The following CDC14B variants were observed in gnomAD, a reference collection of about 807,000 sequenced individuals.
The protein encoded by CDC14B is dual specificity protein phosphatase CDC14B.
A neutral mutation model predicts 64.2 loss-of-function variants in CDC14B; 22 were observed. That is an observed-to-expected ratio of 0.34 (90% CI 0.24 to 0.49). The LOEUF is 0.49. Among genes scored for constraint, CDC14B ranks in the 20% least tolerant of loss-of-function variants. The probability of loss-of-function intolerance (pLI) is 0.99; values close to 1 mark genes in which losing one functional copy is unlikely to be tolerated. For synonymous variants in CDC14B, 191 were observed against 215.8 expected, an observed-to-expected ratio of 0.89 and a Z score of 1.01; for missense variants, 498 against 629.9, an observed-to-expected ratio of 0.79 and a Z score of 2.24.
At chr9:96,613,587 A>C (rs1344382488) in intron 1 of CDC14B, among the ~76,000 whole-genome samples, 1 of 152,228 alleles carries the variant, frequency 6.6e-6, no homozygotes, top group Non-Finnish European at 1.5e-5. Context: ...GAATATCAGA[A>C]GTGAAGATGT....
At chr9:96,575,234 T>C (rs995110289) in intron 1 of CDC14B, among the ~76,000 whole-genome samples, 3 of 152,188 alleles carry the variant, frequency 2.0e-5, no homozygotes, top group Non-Finnish European at 4.4e-5. Flanking sequence ...GGTTGTCCGA[T>C]GTGCCAGTGG....
chr9:96,551,935 G>A (rs1841896179), intron 4 of CDC14B, 63 bp from the exon 5 acceptor site: 1 of 1,546,308 alleles, frequency 6.5e-7, no homozygotes. Context: ...TGCTGTCACT[G>A]CGAAGTAAAT....
rs1321931521 is a variant in CDC14B, at chr9:96,501,580, C to T, written c.*2173G>A. The T allele has an allele frequency of 2.0e-5, 3 of 152,516 alleles. No individual in the cohort carries two copies. The highest frequency in any genetic ancestry group is 4.4e-5 in the Non-Finnish European group (3 of 68,036). The allele number at this position is 152,516 out of a possible 1,614,324, so 9.4% of individuals were successfully genotyped here. ...CCTTGCTATGCACACCATCCCAAGT[C>T]ATTTGGTTATTACAAGGAATGCCTC... On this transcript the variant is annotated 3_prime_UTR_variant, in exon 14 of 14. Transcript: ENST00000375241.
At chr9:96,571,181 T>A (rs1440586567) in intron 1 of CDC14B, among the ~76,000 whole-genome samples, 1 of 149,340 alleles carries the variant, frequency 6.7e-6, no homozygotes, top group African/African-American at 2.4e-5. Flanking sequence ...AAAAAAAAAT[T>A]TTTTTTTTTT....
chr9:96,499,264 T>A (rs939599147), downstream of CDC14B, among the ~76,000 whole-genome samples: 1 of 152,138 alleles, frequency 6.6e-6, no homozygotes, highest in Non-Finnish European at 1.5e-5. Flanking sequence ...TGTAACCCAG[T>A]GTGAATCCAA....
At chr9:96,517,074 T>C (rs1169002441) in intron 12 of CDC14B, among the ~76,000 whole-genome samples, 1 of 151,194 alleles carries the variant, frequency 6.6e-6, no homozygotes, top group Non-Finnish European at 1.5e-5. Context: ...GCGCAGTGGC[T>C]CATGCCTGTA....
In CDC14B at chr9:96,581,180, C is replaced by T. The variant is rs532063961; in HGVS notation, c.161-15697G>A. Among the ~76,000 whole-genome samples the T allele has an allele frequency of 7.2e-5, 11 of 151,952 alleles. No homozygotes were observed. In the East Asian group the frequency reaches 1.9e-3, roughly 27 times the overall value. ...AGGAGGTGGAGGTTGAGGTGAGCTG[C>T]GATTGCACCACTGCACTCCAGCCTG... On this transcript the variant is annotated intron_variant, in intron 1 of 13. Coordinates refer to ENST00000375241, the MANE Select transcript of CDC14B (RefSeq NM_033331.4).
chr9:96,530,856 T>C (rs57494643), intron 9 of CDC14B, among the ~76,000 whole-genome samples: 23,255 of 152,150 alleles, frequency 0.15, 5,929 homozygotes, highest in African/African-American at 0.53. Context: ...TAGTTTGTAC[T>C]GTGTTTTTAT....
intron 13 of CDC14B, among the ~76,000 whole-genome samples, chr9:96,506,044 G>A (rs756453739): frequency 6.6e-6 from 1 of 152,236 alleles, no homozygotes; most frequent in Non-Finnish European, 1.5e-5. Context: ...GCGAGTTTGG[G>A]TGGAGTCTTC....
intron 1 of CDC14B, among the ~76,000 whole-genome samples, chr9:96,580,657 A>C (rs1251327005): frequency 6.6e-6 from 1 of 152,198 alleles, no homozygotes; most frequent in African/African-American, 2.4e-5. Flanking sequence ...AATCGACCCG[A>C]GAGAAATACT....
chr9:96,565,362 A>G (rs1478355967), intron 2 of CDC14B, 31 bp downstream of exon 2: 2 of 1,382,066 alleles, frequency 1.4e-6, no homozygotes, highest in African/African-American at 1.4e-5. Context: ...CAAAAACAAA[A>G]AGTTAAAATC....
intron 9 of CDC14B, among the ~76,000 whole-genome samples, chr9:96,527,744 T>C (rs1837805588): frequency 1.3e-5 from 2 of 151,926 alleles, no homozygotes; most frequent in Admixed American, 6.6e-5. Flanking sequence ...GACTCCCGAG[T>C]AACTGGGACT....
chr9:96,604,484 G>A (rs1049594487), intron 1 of CDC14B, among the ~76,000 whole-genome samples: 10 of 151,454 alleles, frequency 6.6e-5, no homozygotes, highest in Admixed American at 4.6e-4. Context: ...GGGATCAAGC[G>A]ATTCTCCTGC....
intron 1 of CDC14B, among the ~76,000 whole-genome samples, chr9:96,613,900 C>A (rs910083260): frequency 2.0e-5 from 3 of 152,118 alleles, no homozygotes; most frequent in African/African-American, 7.2e-5. Flanking sequence ...ATAAATACTT[C>A]TTGAATTAAT....
chr9:96,570,936 C>A (rs1218509152), intron 1 of CDC14B, among the ~76,000 whole-genome samples: 1 of 152,068 alleles, frequency 6.6e-6, no homozygotes, highest in South Asian at 2.1e-4. Flanking sequence ...AAATATAAAT[C>A]AACAGTAATT....
In CDC14B at chr9:96,502,555, A is replaced by C; in HGVS notation, c.*1198T>G. On this transcript the variant is annotated 3_prime_UTR_variant, in exon 14 of 14. Coordinates refer to ENST00000375241, the MANE Select transcript of CDC14B (RefSeq NM_033331.4). ...AAACCACCCACTTCTTATGGAAGGA[A>C]CTGAGGTGAGTACTATATATTCTTT... 18 of 233,158 alleles carry C rather than the reference A, an allele frequency of 7.7e-5. No homozygotes were observed. Among genetic ancestry groups the C allele is most frequent in the Non-Finnish European group, 9.8e-5 (12 of 121,974 alleles). 14.4% of individuals were successfully genotyped at this position (233,158 alleles called of 1,614,324 possible).
intron 1 of CDC14B, among the ~76,000 whole-genome samples, chr9:96,606,680 C>T (rs1266558480): frequency 6.6e-6 from 1 of 151,858 alleles, no homozygotes; most frequent in Non-Finnish European, 1.5e-5. Flanking sequence ...GATTCTCCTG[C>T]CTCAGCCTCC....
intron 1 of CDC14B, among the ~76,000 whole-genome samples, chr9:96,611,100 AAAAG>A (rs566179755): frequency 3.3e-5 from 5 of 152,190 alleles, no homozygotes; most frequent in East Asian, 3.9e-4. Context: ...AGAAAAAAAA[AAAAG>A]AGAGAGAGAA....
intron 12 of CDC14B, among the ~76,000 whole-genome samples, chr9:96,511,992 T>C (rs946306605): frequency 6.6e-6 from 1 of 152,098 alleles, no homozygotes; most frequent in African/African-American, 2.4e-5. Context: ...AGATTTTCAG[T>C]CATGAAACAA....
Sources: allele counts gnomAD v4.1 joint callset (sites outside exome capture counted in the v4.1 genomes callset), GRCh38; gene constraint gnomAD v4.1.1; transcripts MANE v1.5; gene names NCBI Gene and HGNC (gene_info 2026-07-23, HGNC 2026-07-21).